Variants in ANO1 observed in about 807,000 individuals in gnomAD.
The protein encoded by ANO1 is anoctamin 1.
In ANO1, 59 loss-of-function variants were observed where a neutral mutation model predicts 124.0. That is an observed-to-expected ratio of 0.48 (90% CI 0.39 to 0.59). The LOEUF is 0.59. Ranked by LOEUF, ANO1 falls within the 20% of genes least tolerant of loss-of-function variation. ANO1 has a pLI of 0.00. For synonymous variants in ANO1, 529 were observed against 532.0 expected (o/e 0.99, Z 0.08); for missense variants, 1,059 against 1,328.0 (o/e 0.80, Z 3.15).
intron 1 of ANO1, among the ~76,000 whole-genome samples, chr11:70,052,970 T>C (rs978894169): frequency 5.2e-5 from 8 of 152,384 alleles, no homozygotes; most frequent in Middle Eastern, 3.4e-3. Flanking sequence ...TTTTTCTTTA[T>C]TGAAGTCATG....
chr11:70,123,588 G>A (rs540093727), intron 8 of ANO1, among the ~76,000 whole-genome samples: 2 of 152,270 alleles, frequency 1.3e-5, no homozygotes, highest in South Asian at 4.1e-4. Context: ...GAGGAGGGCA[G>A]CTGCCCCACC....
chr11:70,065,362 G>A (rs1555008386), intron 1 of ANO1: 1 of 152,286 alleles, frequency 6.6e-6, no homozygotes, highest in East Asian at 1.9e-4. Context: ...GATACCTGGG[G>A]GCCTTGACTA....
intron 1 of ANO1, among the ~76,000 whole-genome samples, chr11:70,044,331 A>C (rs1351403281): frequency 1.3e-5 from 2 of 152,144 alleles, no homozygotes; most frequent in Non-Finnish European, 2.9e-5. Flanking sequence ...AATACGTTAA[A>C]TGTAAATGGT....
At chr11:70,080,610 A>G (rs2135177674) in intron 1 of ANO1, among the ~76,000 whole-genome samples, 1 of 152,272 alleles carries the variant, frequency 6.6e-6, no homozygotes, top group South Asian at 2.1e-4. Context: ...TTGTTCCAGG[A>G]CCCATTGCTT....
chr11:70,178,380 G>A (rs543123771), intron 22 of ANO1, among the ~76,000 whole-genome samples: 20 of 152,258 alleles, frequency 1.3e-4, no homozygotes, highest in Non-Finnish European at 2.6e-4. Flanking sequence ...CCCACCACCT[G>A]CTCCAGCAGA....
At chr11:70,048,396 TC>T (rs1449461463) in intron 1 of ANO1, among the ~76,000 whole-genome samples, 8 of 152,290 alleles carry the variant, frequency 5.3e-5, no homozygotes, top group Non-Finnish European at 1.2e-4. Flanking sequence ...ATTCTTTTTT[TC>T]CCCCAACTTG....
intron 1 of ANO1, among the ~76,000 whole-genome samples, chr11:69,993,561 C>T (rs782545156): frequency 1.6e-4 from 24 of 152,156 alleles, no homozygotes; most frequent in Non-Finnish European, 2.9e-4. Context: ...CTTCCTAGTC[C>T]CAGCTCGGTC....
intron 1 of ANO1, among the ~76,000 whole-genome samples, chr11:70,055,824 A>G (rs1174176516): frequency 6.6e-6 from 1 of 151,898 alleles, no homozygotes; most frequent in African/African-American, 2.4e-5. Flanking sequence ...TTAGTTATAC[A>G]TTTCTTTATT....
intron 1 of ANO1, among the ~76,000 whole-genome samples, chr11:70,031,247 A>G (rs1003281150): frequency 6.6e-6 from 1 of 152,212 alleles, no homozygotes; most frequent in Non-Finnish European, 1.5e-5. Flanking sequence ...TCCAGGCCTC[A>G]ATGTGATGTT....
intron 18 of ANO1, 36 bp downstream of exon 18, chr11:70,161,769 C>T (rs1253071377): frequency 1.3e-6 from 2 of 1,598,898 alleles, no homozygotes; most frequent in South Asian, 2.2e-5. Flanking sequence ...AACCTCGCTT[C>T]TCCCAGGTCC....
chr11:70,006,538 C>CTTTCTTTCTTCCTTTCTTTCTTTCT (rs1856486481), intron 1 of ANO1, among the ~76,000 whole-genome samples: 1 of 92,994 alleles, frequency 1.1e-5, no homozygotes, highest in Non-Finnish European at 2.5e-5. Flanking sequence ...GTATTTCACT[C>CTTTCTTTCTTCCTTTCTTTCTTTCT]TTTCTTTCTT....
chr11:70,058,762 A>T (rs1857498038), intron 1 of ANO1, among the ~76,000 whole-genome samples: 1 of 152,190 alleles, frequency 6.6e-6, no homozygotes, highest in Admixed American at 6.5e-5. Flanking sequence ...GAGCTTGGTG[A>T]GGTGTGTCTT....
At chr11:70,014,237 G>C (rs2134977853) in intron 1 of ANO1, among the ~76,000 whole-genome samples, 1 of 152,014 alleles carries the variant, frequency 6.6e-6, no homozygotes, top group African/African-American at 2.4e-5. Context: ...CATGTGACTA[G>C]CACTAAGATA....
intron 22 of ANO1, among the ~76,000 whole-genome samples, chr11:70,179,526 G>T (rs938905108): frequency 2.6e-5 from 4 of 152,318 alleles, no homozygotes; most frequent in Admixed American, 2.6e-4. Flanking sequence ...GATAGGGAAC[G>T]GTTCAACCTT....
chr11:70,110,154 C>T (rs890259300), intron 6 of ANO1, among the ~76,000 whole-genome samples: 3 of 149,138 alleles, frequency 2.0e-5, no homozygotes, highest in East Asian at 4.0e-4. Flanking sequence ...AGGAGGCCAG[C>T]GAGCCTGGCT....
Position 70,188,348 on chromosome 11 carries a change from G to C in ANO1, c.*344G>C, listed in dbSNP as rs510718. The C allele has an allele frequency of 0.99, 265,177 of 266,654 alleles. 131,869 individuals are homozygous for C. Among genetic ancestry groups the C allele is most frequent in the East Asian group, 1 (13,600 of 13,600 alleles). 16.5% of individuals were successfully genotyped at this position (266,654 alleles called of 1,614,324 possible). On this transcript the variant is annotated 3_prime_UTR_variant, in exon 26 of 26. Coordinates refer to ENST00000355303, the MANE Select transcript of ANO1 (RefSeq NM_018043.7). ...AGAGGTGAAAAGTGAGCAGAGGCCC[G>C]TAGAAACCCTCCTCTGAATCCTCCT...
chr11:70,004,929 A>T (rs1404301863), intron 1 of ANO1, among the ~76,000 whole-genome samples: 1 of 152,112 alleles, frequency 6.6e-6, no homozygotes, highest in Non-Finnish European at 1.5e-5. Context: ...CCTGGCCAAC[A>T]TTGCAAAACC....
At chr11:70,186,352 G>GAGGAAAGGAAGGAAGGAAGGA (rs2049121547) in intron 25 of ANO1, among the ~76,000 whole-genome samples, 10 of 126,898 alleles carry the variant, frequency 7.9e-5, no homozygotes, top group Middle Eastern at 4.0e-3. Flanking sequence ...GAGGGGGAGG[G>GAGGAAAGGAAGGAAGGAAGGA]AGGAAGGAAG....
chr11:70,013,021 G>A (rs1856628786), intron 1 of ANO1, among the ~76,000 whole-genome samples: 1 of 152,208 alleles, frequency 6.6e-6, no homozygotes, highest in Admixed American at 6.5e-5. Context: ...AAAAGGGCAG[G>A]TGCTTTGAGA....
Sources: allele counts gnomAD v4.1 joint callset (sites outside exome capture counted in the v4.1 genomes callset), GRCh38; gene constraint gnomAD v4.1.1; transcripts MANE v1.5; gene names NCBI Gene and HGNC (gene_info 2026-07-23, HGNC 2026-07-21).